AMZ2: variants seen among roughly 807,000 people sequenced by gnomAD.
AMZ2 encodes archaelysin family metallopeptidase 2.
AMZ2 carries 26 observed loss-of-function variants against 36.7 expected under a neutral mutation model. That is an observed-to-expected ratio of 0.71 (90% CI 0.52 to 0.98). AMZ2 has a LOEUF of 0.98. Ranked by LOEUF, AMZ2 falls within the 50% of genes least tolerant of loss-of-function variation. AMZ2 has a pLI of 0.00. For missense variants in AMZ2, 394 were observed against 430.5 expected, an observed-to-expected ratio of 0.92 and a Z score of 0.75; for synonymous variants, 144 against 149.1, an observed-to-expected ratio of 0.97 and a Z score of 0.25.
chr17:68,217,504 CT>C (rs879986193), intron 1 of AMZ2, among the ~76,000 whole-genome samples: 1 of 152,108 alleles, frequency 6.6e-6, no homozygotes, highest in Non-Finnish European at 1.5e-5. Context: ...AAGTAGGAAA[CT>C]TTAAACATAG....
At chr17:68,254,897 A>G (rs2144771166) in intron 5 of AMZ2, among the ~76,000 whole-genome samples, 1 of 152,320 alleles carries the variant, frequency 6.6e-6, no homozygotes, top group African/African-American at 2.4e-5. Flanking sequence ...TGCTTTCCCC[A>G]GGCCTTTGGA....
At chr17:68,229,246 C>T (rs112463671) in intron 1 of AMZ2, among the ~76,000 whole-genome samples, 8,990 of 152,148 alleles carry the variant, frequency 0.059, 455 homozygotes, top group Admixed American at 0.13. Flanking sequence ...ACCTCAAACG[C>T]AGCCCCCCAT....
chr17:68,223,702 G>T (rs2073428179), intron 1 of AMZ2, among the ~76,000 whole-genome samples: 1 of 148,202 alleles, frequency 6.7e-6, no homozygotes, highest in Non-Finnish European at 1.5e-5. Flanking sequence ...ACCATGCCTG[G>T]CTAATTTTTT....
At chr17:68,249,375 G>A in intron 1 of AMZ2, 1 of 163,408 alleles carries the variant, frequency 6.1e-6, no homozygotes, top group African/African-American at 2.4e-5. Flanking sequence ...GCACGATCAC[G>A]GCCCACTGCA....
rs1555738853 is a variant in AMZ2 at position 68,250,479 on chromosome 17, T to G, written c.283+9T>G. The G allele has an allele frequency of 6.2e-7, 1 of 1,612,064 alleles. No individual in the cohort carries two copies. The highest frequency in any genetic ancestry group is 1.1e-5 in the South Asian group (1 of 90,964). On this transcript the variant is annotated intron_variant, in intron 2 of 6. Coordinates refer to ENST00000359904, the MANE Select transcript of AMZ2 (RefSeq NM_016627.5). Reference sequence around the variant, plus strand: ...TTATATACAGTCCATTGGTAAATACTGGTAATGTGCTGGTTTTGGTTCAGT... The same window carrying G: ...TTATATACAGTCCATTGGTAAATACGGGTAATGTGCTGGTTTTGGTTCAGT...
At chr17:68,216,085 C>T (rs1302627478) in intron 1 of AMZ2, among the ~76,000 whole-genome samples, 1 of 152,136 alleles carries the variant, frequency 6.6e-6, no homozygotes, top group Non-Finnish European at 1.5e-5. Context: ...AAAATTAAAC[C>T]TCCCAACAGC....
intron 1 of AMZ2, among the ~76,000 whole-genome samples, chr17:68,233,833 C>T (rs2073726190): frequency 6.6e-6 from 1 of 151,976 alleles, no homozygotes; most frequent in African/African-American, 2.4e-5. Context: ...GCGATCCTCC[C>T]ACCTCAGCCT....
upstream of AMZ2, chr17:68,247,750 C>A (rs534251071): frequency 1.0e-6 from 1 of 985,534 alleles, no homozygotes; most frequent in East Asian, 1.1e-4. Flanking sequence ...CCCAGCGACG[C>A]GGGCGCATCT....
chr17:68,249,425 C>G (rs547511412), intron 1 of AMZ2: 1 of 155,046 alleles, frequency 6.4e-6, no homozygotes, highest in African/African-American at 2.4e-5. Context: ...CCCATCTTAG[C>G]CTGCCAAGTA....
intron 1 of AMZ2, among the ~76,000 whole-genome samples, chr17:68,209,632 A>ATATATATATATATGTATATATATATT: frequency 2.2e-5 from 2 of 90,686 alleles, no homozygotes; most frequent in Non-Finnish European, 2.0e-5. Context: ...ATATATATAT[A>ATATATATATATATGTATATATATATT]TTTTTTTTTT....
intron 1 of AMZ2, among the ~76,000 whole-genome samples, chr17:68,234,283 TA>T (rs1188427424): frequency 2.0e-4 from 29 of 148,180 alleles, no homozygotes; most frequent in Admixed American, 1.8e-3. Context: ...ACTCCATCTC[TA>T]AAAAAAAAAT....
intron 1 of AMZ2, among the ~76,000 whole-genome samples, chr17:68,221,420 G>C (rs2073362837): frequency 6.6e-6 from 1 of 152,086 alleles, no homozygotes; most frequent in Non-Finnish European, 1.5e-5. Context: ...GCCAGATGGT[G>C]GAACATTGCG....
At chr17:68,254,761 C>T (rs1555741873) in intron 5 of AMZ2, among the ~76,000 whole-genome samples, 194 bp downstream of exon 5, 1 of 152,184 alleles carries the variant, frequency 6.6e-6, no homozygotes, top group East Asian at 1.9e-4. Context: ...TTTACAATAT[C>T]AGTGCCAGTT....
chr17:68,236,613 C>G (rs868942326), intron 1 of AMZ2, among the ~76,000 whole-genome samples: 15 of 145,668 alleles, frequency 1.0e-4, no homozygotes, highest in African/African-American at 3.8e-4. Context: ...ACTTTGTTGC[C>G]CAGGCTGGAG....
chr17:68,249,972 A>G (rs531375456), intron 1 of AMZ2: 1 of 560,544 alleles, frequency 1.8e-6, no homozygotes, highest in South Asian at 2.1e-5. Context: ...CAGGTTCCAT[A>G]TGAGATGGAG....
intron 1 of AMZ2, among the ~76,000 whole-genome samples, chr17:68,229,582 A>T (rs181284920): frequency 2.1e-4 from 32 of 152,240 alleles, no homozygotes; most frequent in African/African-American, 7.2e-4. Flanking sequence ...AAACAACCAA[A>T]ATGCTATTTG....
rs75754735 is a variant in AMZ2 at position 68,212,625 on chromosome 17, G to A, written c.-67+6387G>A. On this transcript the variant is annotated intron_variant, in intron 1 of 7. Coordinates refer to the AMZ2 transcript ENST00000674770. ...CCTGTCATCCAGGTTGGGGTGCAAC[G>A]GCTCAATCTCAGCTAACTGCCACCT... 5.1e-3 allele frequency among the ~76,000 whole-genome samples: 767 copies of A among 151,778 alleles called. 5 individuals are homozygous for A. Among genetic ancestry groups the A allele is most frequent in the African/African-American group, 0.018 (740 of 41,352 alleles).
chr17:68,231,087 C>T (rs559195357), intron 1 of AMZ2, among the ~76,000 whole-genome samples: 10 of 150,656 alleles, frequency 6.6e-5, no homozygotes, highest in Admixed American at 5.3e-4. Flanking sequence ...TTCCCAAGAC[C>T]GGGTCTCCCT....
intron 5 of AMZ2, 39 bp from the exon 6 acceptor site, chr17:68,255,661 A>C (rs113321532): frequency 8.2e-6 from 13 of 1,592,638 alleles, no homozygotes; most frequent in African/African-American, 5.4e-5. Flanking sequence ...GCCTAATGTG[A>C]TGGTGGTCTT....
Sources: allele counts gnomAD v4.1 joint callset (sites outside exome capture counted in the v4.1 genomes callset), GRCh38; gene constraint gnomAD v4.1.1; transcripts MANE v1.5; gene names NCBI Gene and HGNC (gene_info 2026-07-23, HGNC 2026-07-21).